Variants in ARHGEF10L observed in about 807,000 individuals in gnomAD.
ARHGEF10L encodes Rho guanine nucleotide exchange factor 10 like.
ARHGEF10L carries 69 observed loss-of-function variants against 141.2 expected under a neutral mutation model. The observed-to-expected ratio is 0.49, with a 90% CI of 0.40 to 0.60. ARHGEF10L has a LOEUF of 0.60. Ranked by LOEUF, ARHGEF10L falls within the 20% of genes least tolerant of loss-of-function variation. The probability of loss-of-function intolerance (pLI) is 0.00; values close to 1 mark genes in which losing one functional copy is unlikely to be tolerated. For synonymous variants in ARHGEF10L, 711 were observed against 718.5 expected (o/e 0.99, Z 0.17); for missense variants, 1,482 against 1,734.3 (o/e 0.85, Z 2.58).
intron 7 of ARHGEF10L, among the ~76,000 whole-genome samples, chr1:17,610,622 C>A (rs957313100): frequency 6.6e-6 from 1 of 152,196 alleles, no homozygotes; most frequent in African/African-American, 2.4e-5. Context: ...ACCTGCTCAC[C>A]CGCTGGCATT....
chr1:17,612,343 T>G (rs959982333), intron 7 of ARHGEF10L, among the ~76,000 whole-genome samples: 13 of 152,214 alleles, frequency 8.5e-5, no homozygotes, highest in African/African-American at 3.1e-4. Flanking sequence ...CATCCTCTTA[T>G]TCCTTCATCT....
chr1:17,545,008 C>T (rs1463374496), intron 1 of ARHGEF10L, among the ~76,000 whole-genome samples: 3 of 152,154 alleles, frequency 2.0e-5, no homozygotes, highest in Non-Finnish European at 4.4e-5. Context: ...CCTCCCACCA[C>T]GTCCCTCCCA....
intron 1 of ARHGEF10L, among the ~76,000 whole-genome samples, chr1:17,542,321 C>T (rs752261721): frequency 5.3e-5 from 8 of 150,980 alleles, no homozygotes; most frequent in South Asian, 2.1e-4. Context: ...TGCTGGTGCA[C>T]GCCTGTAGTC....
chr1:17,517,081 C>T, the ARHGEF10L span, among the ~76,000 whole-genome samples: 2 of 152,192 alleles, frequency 1.3e-5, no homozygotes, highest in African/African-American at 4.8e-5. Context: ...GTCAACCAGG[C>T]ATGTGTTTAC....
chr1:17,567,008 G>C (rs1250598019), intron 1 of ARHGEF10L, among the ~76,000 whole-genome samples: 1 of 152,170 alleles, frequency 6.6e-6, no homozygotes, highest in Non-Finnish European at 1.5e-5. Context: ...TGGAAGATGT[G>C]ACTGCCATCA....
the ARHGEF10L span, among the ~76,000 whole-genome samples, chr1:17,531,855 T>G: frequency 6.6e-6 from 1 of 152,226 alleles, no homozygotes; most frequent in Admixed American, 6.5e-5. Context: ...GCGTCTTTCA[T>G]CTGGGAGACC....
chr1:17,549,833 T>C (rs2077046962), intron 1 of ARHGEF10L, among the ~76,000 whole-genome samples: 1 of 152,202 alleles, frequency 6.6e-6, no homozygotes, highest in South Asian at 2.1e-4. Flanking sequence ...TCAAAAATAA[T>C]TTACCAAGTG....
At position 17,696,927 on chromosome 1, in the gene ARHGEF10L, C is replaced by T. The variant is rs764248549; in HGVS notation, c.3387C>T (p.Asp1129=). 8.1e-6 allele frequency: 13 copies of T among 1,611,148 alleles called. No homozygotes were observed. In the East Asian group the frequency reaches 2.7e-4, roughly 33 times the overall value. ...LAVATSILAP[D]ILRSDQEEAE... is the part of the protein sequence containing the mutation. ...TGGCTACCAGCATCCTGGCCCCTGA[C>T]ATCCTGCGGAGTGACCAGGAGGAGG... The change falls in exon 29 of 29, where the codon GAC becomes GAT. Residue 1129 remains aspartate (D), a synonymous_variant. Coordinates refer to ENST00000361221, the MANE Select transcript of ARHGEF10L (RefSeq NM_018125.4).
intron 1 of ARHGEF10L, among the ~76,000 whole-genome samples, chr1:17,569,613 T>C (rs1042821554): frequency 6.6e-6 from 1 of 152,112 alleles, no homozygotes; most frequent in African/African-American, 2.4e-5. Flanking sequence ...TGGAGCCAGA[T>C]GGGACCCTGT....
At chr1:17,626,932 G>A (rs2060420061) in intron 14 of ARHGEF10L, among the ~76,000 whole-genome samples, 5 of 152,256 alleles carry the variant, frequency 3.3e-5, no homozygotes. Context: ...CCTAGCATGT[G>A]TCTGAATTTC....
At chr1:17,522,418 G>T in the ARHGEF10L span, among the ~76,000 whole-genome samples, 1 of 152,260 alleles carries the variant, frequency 6.6e-6, no homozygotes, top group East Asian at 1.9e-4. Context: ...GCTCAGAGAC[G>T]TCAGGTGAGC....
the ARHGEF10L span, among the ~76,000 whole-genome samples, chr1:17,519,578 A>G: frequency 6.6e-6 from 1 of 152,050 alleles, no homozygotes; most frequent in Admixed American, 6.6e-5. Flanking sequence ...TCATCCCGCC[A>G]CTGTGTGACA....
Position 17,619,427 on chromosome 1 carries a change from G to C in ARHGEF10L, c.924G>C (p.Glu308Asp). Residue 308 changes from glutamate to aspartate, a missense_variant, in exon 10 of 29, where the codon GAG (glutamate) becomes GAC (aspartate). Physicochemically the swap from Glu to Asp is conservative, Grantham distance 45. Transcript: ENST00000361221. The surrounding 1 kb of genome is among the most constrained non-coding windows in gnomAD (Gnocchi z 5.0). ...PPAPELGPMP[E>D]GLSPQQVVRR... The stretch of plus-strand genomic sequence containing the variant: ...CCCCAGAGCTGGGCCCCATGCCAGA[G>C]GGCCTGAGCCCTCAGCAGGTCTGTG... 2 of 1,610,042 alleles carry C rather than the reference G, an allele frequency of 1.2e-6. No individual in the cohort carries two copies. The highest frequency in any genetic ancestry group is 1.7e-6 in the Non-Finnish European group (2 of 1,178,750).
intron 4 of ARHGEF10L, among the ~76,000 whole-genome samples, chr1:17,594,728 GCCTGCCTTGGCTTCC>G (rs200344395): frequency 0.016 from 2,509 of 152,266 alleles, 28 homozygotes; most frequent in Non-Finnish European, 0.027. Flanking sequence ...CAAGTGATCT[GCCTGCCTTGGCTTCC>G]CAAAGTGCTA....
At chr1:17,632,262 G>C in intron 15 of ARHGEF10L, 59 bp from the exon 16 acceptor site, 1 of 1,600,474 alleles carries the variant, frequency 6.2e-7, no homozygotes, top group South Asian at 1.1e-5. Flanking sequence ...CTGGGTCTCC[G>C]GCGCGGTAAA....
intron 4 of ARHGEF10L, among the ~76,000 whole-genome samples, chr1:17,596,610 G>C (rs1194177688): frequency 6.6e-6 from 1 of 152,192 alleles, no homozygotes; most frequent in Non-Finnish European, 1.5e-5. Context: ...TCTGGTTTTG[G>C]GGGTCTCCTC....
At chr1:17,695,133 G>T in intron 27 of ARHGEF10L, 25 bp from the exon 28 acceptor site, 2 of 1,611,716 alleles carry the variant, frequency 1.2e-6, no homozygotes, top group Non-Finnish European at 1.7e-6. Context: ...GGAGGGCACT[G>T]CTCAGCCGCC....
intron 26 of ARHGEF10L, among the ~76,000 whole-genome samples, chr1:17,681,692 C>T (rs1346333573): frequency 2.6e-5 from 4 of 152,302 alleles, no homozygotes; most frequent in South Asian, 2.1e-4. Flanking sequence ...CAGCTGGCCC[C>T]GTCCTGATCA....
intron 4 of ARHGEF10L, among the ~76,000 whole-genome samples, chr1:17,601,668 A>T (rs1317735802): frequency 6.6e-6 from 1 of 150,604 alleles, no homozygotes; most frequent in Admixed American, 6.6e-5. Flanking sequence ...CTGGTCTTGA[A>T]CTCCTGACCT....
Sources: allele counts gnomAD v4.1 joint callset (sites outside exome capture counted in the v4.1 genomes callset), GRCh38; gene constraint gnomAD v4.1.1; non-coding constraint Gnocchi (gnomAD v3.1); transcripts MANE v1.5; gene names NCBI Gene and HGNC (gene_info 2026-07-23, HGNC 2026-07-21).